RAB23: variants seen among roughly 807,000 people sequenced by gnomAD.
RAB23 encodes RAB23, member RAS oncogene family.
RAB23 carries 15 observed loss-of-function variants against 30.0 expected under a neutral mutation model. That is an observed-to-expected ratio of 0.50 (90% CI 0.33 to 0.77). RAB23 has a LOEUF of 0.77. Among genes scored for constraint, RAB23 ranks in the 30% least tolerant of loss-of-function variants. RAB23 has a pLI of 0.02. For missense variants in RAB23, 243 were observed against 275.4 expected, an observed-to-expected ratio of 0.88 and a Z score of 0.83; for synonymous variants, 93 against 94.0, an observed-to-expected ratio of 0.99 and a Z score of 0.06.
At chr6:57,198,405 T>C (rs1765107977) in intron 3 of RAB23, among the ~76,000 whole-genome samples, 1 of 152,092 alleles carries the variant, frequency 6.6e-6, no homozygotes, top group Admixed American at 6.5e-5. Context: ...TCCCAGCTAC[T>C]TGGGAGGCTG....
intron 1 of RAB23, among the ~76,000 whole-genome samples, chr6:57,219,290 A>T (rs1765966698): frequency 1.3e-5 from 2 of 152,260 alleles, no homozygotes; most frequent in African/African-American, 4.8e-5. Flanking sequence ...CATGTACACA[A>T]TCTGTATGCT....
At chr6:57,194,875 A>T (rs768722997) in intron 4 of RAB23, 23 bp from the exon 5 acceptor site, 1 of 1,588,566 alleles carries the variant, frequency 6.3e-7, no homozygotes. Context: ...TTAAAAAAAA[A>T]TGCTTTACAA....
chr6:57,187,622 A>G lies in RAB23; in HGVS notation c.*2839T>C, dbSNP rs922238284. Reference sequence around the variant, plus strand: ...TTGAAAAGTATGCTAATAATTAACAATATCTTATATTAAAAGGGTCCAACA... The same window carrying G: ...TTGAAAAGTATGCTAATAATTAACAGTATCTTATATTAAAAGGGTCCAACA... On this transcript the variant is annotated 3_prime_UTR_variant, in exon 7 of 7. Transcript: ENST00000468148. 2.0e-5 allele frequency: 3 copies of G among 152,150 alleles called. No homozygotes were observed. The highest frequency in any genetic ancestry group is 6.5e-5 in the Admixed American group (1 of 15,280). The allele number at this position is 152,150 out of a possible 1,614,324, so 9.4% of individuals were successfully genotyped here.
At chr6:57,221,156 T>C (rs1766043788) in intron 1 of RAB23, among the ~76,000 whole-genome samples, 1 of 152,222 alleles carries the variant, frequency 6.6e-6, no homozygotes, top group Non-Finnish European at 1.5e-5. Flanking sequence ...TAACAGCCTT[T>C]ATTTAAGTAG....
Position 57,190,770 on chromosome 6 carries a change from G to C in RAB23, c.575-170C>G, listed in dbSNP as rs149295776. Among the ~76,000 whole-genome samples the C allele has an allele frequency of 3.7e-3, 568 of 152,258 alleles. 8 individuals carry two copies. The highest frequency in any genetic ancestry group is 0.013 in the African/African-American group (533 of 41,544). Reference sequence around the variant, plus strand: ...TAACCATTTTTAGGCATACGGTTCAGTGGTATTAAATACATTTGTAATGTT... The same window carrying C: ...TAACCATTTTTAGGCATACGGTTCACTGGTATTAAATACATTTGTAATGTT... On this transcript the variant is annotated intron_variant, in intron 6 of 6. Transcript: ENST00000468148.
At chr6:57,215,192 T>C (rs1288425451) in intron 1 of RAB23, among the ~76,000 whole-genome samples, 3 of 152,184 alleles carry the variant, frequency 2.0e-5, no homozygotes, top group Non-Finnish European at 2.9e-5. Context: ...CAGATATTTC[T>C]GTCATTGGAG....
intron 1 of RAB23, among the ~76,000 whole-genome samples, 200 bp from the exon 2 acceptor site, chr6:57,210,645 G>A (rs375707256): frequency 2.0e-5 from 3 of 152,060 alleles, no homozygotes; most frequent in African/African-American, 4.8e-5. Flanking sequence ...CATCAATAGC[G>A]CAATGCATGA....
Position 57,199,888 on chromosome 6 carries a change from T to A in RAB23, c.242-3282A>T, listed in dbSNP as rs76777959. Among the ~76,000 whole-genome samples the A allele has an allele frequency of 2.8e-4, 43 of 152,344 alleles. 1 individual carries two copies. In the East Asian group the frequency reaches 8.3e-3, roughly 29 times the overall value. ...ACCACTTGTTTCCATTTCCCCTAACTGAATATCATCTTCCATCTAGACAGA... is the reference window on the plus strand; with the variant it reads ...ACCACTTGTTTCCATTTCCCCTAACAGAATATCATCTTCCATCTAGACAGA... On this transcript the variant is annotated intron_variant, in intron 3 of 6. Transcript: ENST00000468148.
chr6:57,192,040 T>C (rs1039621407), intron 6 of RAB23, among the ~76,000 whole-genome samples: 1 of 151,984 alleles, frequency 6.6e-6, no homozygotes, highest in African/African-American at 2.4e-5. Flanking sequence ...GACAGGATAT[T>C]GCTATGTTGT....
intron 3 of RAB23, among the ~76,000 whole-genome samples, chr6:57,201,164 GC>G (rs1765240341): frequency 6.6e-6 from 1 of 150,742 alleles, no homozygotes; most frequent in South Asian, 2.1e-4. Flanking sequence ...GCTCACGGCA[GC>G]CTCTGCCTCC....
intron 3 of RAB23, among the ~76,000 whole-genome samples, chr6:57,204,125 G>A (rs1199512029): frequency 6.6e-6 from 1 of 151,978 alleles, no homozygotes. Context: ...CAAGTATATC[G>A]ATTTTATATA....
rs1286687486 is a variant in RAB23, at chr6:57,190,428, A to C, written c.*33T>G. ...GGATGGGTTTCTTAATGCATTGCAC[A>C]ATGTAATTCAATTGTTTTCCTCCCA... On this transcript the variant is annotated 3_prime_UTR_variant, in exon 7 of 7. Transcript: ENST00000468148. 11 of 1,611,816 alleles carry C rather than the reference A, an allele frequency of 6.8e-6. No individual in the cohort carries two copies. In the African/African-American group the frequency reaches 1.2e-4, roughly 18 times the overall value.
intron 3 of RAB23, among the ~76,000 whole-genome samples, chr6:57,205,258 A>T (rs916467601): frequency 6.6e-6 from 1 of 151,982 alleles, no homozygotes; most frequent in Non-Finnish European, 1.5e-5. Context: ...GTGTGTATAT[A>T]TATATAAAAA....
At chr6:57,216,914 A>T (rs1193496228) in intron 1 of RAB23, among the ~76,000 whole-genome samples, 1 of 152,232 alleles carries the variant, frequency 6.6e-6, no homozygotes, top group Non-Finnish European at 1.5e-5. Context: ...TATAATGAGC[A>T]GTGAGGACAA....
At chr6:57,192,948 C>T (rs1432709190) in intron 6 of RAB23, among the ~76,000 whole-genome samples, 3 of 152,086 alleles carry the variant, frequency 2.0e-5, no homozygotes, top group Non-Finnish European at 4.4e-5. Context: ...AAATGGGTTA[C>T]ATAGATGTAA....
rs757082477 is a variant in RAB23, at chr6:57,193,953, AC to A, written c.482-20del. The A allele has an allele frequency of 7.5e-6, 12 of 1,606,006 alleles. 1 individual carries two copies. In the South Asian group the frequency reaches 1.3e-4, roughly 18 times the overall value. On this transcript the variant is annotated intron_variant, in intron 5 of 6. Transcript: ENST00000468148. Reference sequence around the variant, plus strand: ...TTAAAAACTAGAATAAAAAGAAAACACCCAGAACCAGGTCAATGATTTATGC... The same window carrying A: ...TTAAAAACTAGAATAAAAAGAAAACACCAGAACCAGGTCAATGATTTATGC...
chr6:57,208,719 T>A (rs940019158), intron 2 of RAB23, among the ~76,000 whole-genome samples: 6 of 151,792 alleles, frequency 4.0e-5, no homozygotes, highest in Non-Finnish European at 8.8e-5. Context: ...ATATAGTCAA[T>A]TCTCATTATT....
intron 6 of RAB23, 106 bp downstream of exon 6, chr6:57,193,736 A>T: frequency 2.8e-6 from 4 of 1,425,770 alleles, no homozygotes; most frequent in Non-Finnish European, 3.8e-6. Flanking sequence ...CTGACTTAAT[A>T]GTTTAATAAT....
chr6:57,197,922 T>TTGTTC (rs1593212127), intron 3 of RAB23, among the ~76,000 whole-genome samples: 2 of 151,998 alleles, frequency 1.3e-5, no homozygotes, highest in East Asian at 3.9e-4. Flanking sequence ...CTTTGTTTTT[T>TTGTTC]TGTTTTGTTT....
Sources: allele counts gnomAD v4.1 joint callset (sites outside exome capture counted in the v4.1 genomes callset), GRCh38; gene constraint gnomAD v4.1.1; transcripts MANE v1.5; gene names NCBI Gene and HGNC (gene_info 2026-07-23, HGNC 2026-07-21).